The following HHATL variants were observed in gnomAD, a reference collection of about 807,000 sequenced individuals.
HHATL encodes hedgehog acyltransferase like, also known as protein-cysteine N-palmitoyltransferase HHAT-like protein.
HHATL carries 49 observed loss-of-function variants against 59.7 expected under a neutral mutation model. The observed-to-expected ratio is 0.82, with a 90% CI of 0.65 to 1.04. The LOEUF (loss-of-function observed/expected upper bound fraction) is 1.04. Among genes scored for constraint, HHATL ranks in the 50% least tolerant of loss-of-function variants. The pLI is 0.00. For synonymous variants in HHATL, 238 were observed against 257.3 expected (o/e 0.93, Z 0.72); for missense variants, 605 against 650.8 (o/e 0.93, Z 0.77).
At chr3:42,700,006 CTGTG>C (rs761077670) in intron 2 of HHATL, among the ~76,000 whole-genome samples, 181 bp from the exon 3 acceptor site, 1 of 150,084 alleles carries the variant, frequency 6.7e-6, no homozygotes, top group African/African-American at 2.4e-5. Flanking sequence ...GTCCAGGACT[CTGTG>C]TGTGTGTGTG....
chr3:42,699,714 G>C (rs190099318), intron 3 of HHATL, 44 bp downstream of exon 3: 1 of 1,496,082 alleles, frequency 6.7e-7, no homozygotes, highest in East Asian at 2.4e-5. Context: ...AGAGAGCAGA[G>C]AAGGGTTCGG....
intron 9 of HHATL, among the ~76,000 whole-genome samples, chr3:42,696,468 T>A (rs962236810): frequency 6.6e-6 from 1 of 152,158 alleles, no homozygotes; most frequent in African/African-American, 2.4e-5. Context: ...TCCACAGGGA[T>A]GTCTCCTAGA....
chr3:42,697,264 C>T, intron 7 of HHATL, 119 bp from the exon 8 acceptor site: 1 of 1,319,074 alleles, frequency 7.6e-7, no homozygotes, highest in Non-Finnish European at 1.0e-6. Context: ...ACGGAGACCC[C>T]CCCATATTGT....
chr3:42,693,898 GTCC>G, intron 9 of HHATL, 80 bp from the exon 10 acceptor site: 1 of 1,199,868 alleles, frequency 8.3e-7, no homozygotes, highest in Non-Finnish European at 1.2e-6. Context: ...ACAACAGGGC[GTCC>G]TCCTCAACAC....
In HHATL at chr3:42,697,999, G is replaced by T. The variant is rs2125854433; in HGVS notation, c.693+143C>A. 4.5e-6 allele frequency: 4 copies of T among 891,418 alleles called. No individual in the cohort carries two copies. The East Asian group carries it at 1.1e-4, about 23-fold the overall frequency. 55.2% of individuals were successfully genotyped at this position (891,418 alleles called of 1,614,324 possible). ...GTGGCCCCATCCTGGGGTCTGAGGA[G>T]GGAGGGGAGACACGGCTTCATCCTG... On this transcript the variant is annotated intron_variant, in intron 6 of 11. Coordinates refer to ENST00000441594, the MANE Select transcript of HHATL (RefSeq NM_020707.4).
intron 6 of HHATL, 64 bp downstream of exon 6, chr3:42,698,077 TG>T: frequency 6.7e-7 from 1 of 1,496,692 alleles, no homozygotes; most frequent in Admixed American, 1.7e-5. Flanking sequence ...CTATCTGAGA[TG>T]GAAACCCCAA....
rs373523075 is a variant in HHATL at position 42,692,827 on chromosome 3, A to G, written c.1439T>C (p.Val480Ala). 12 of 1,614,056 alleles carry G rather than the reference A, an allele frequency of 7.4e-6. No individual in the cohort carries two copies. Among genetic ancestry groups the G allele is most frequent in the Admixed American group, 1.7e-5 (1 of 60,002 alleles). Residue 480 changes from valine to alanine, a missense_variant, in exon 12 of 12, where the codon GTC (valine) becomes GCC (alanine). Coordinates refer to ENST00000441594, the MANE Select transcript of HHATL (RefSeq NM_020707.4). ...TCGCTCACGCTCCTTTACCAGCTGG[A>G]CGCCACAGTAGGTGACAAACAGGAT... is the stretch of plus-strand genomic sequence containing the variant. The part of the protein sequence containing the change: ...LSILFVTYCG[V>A]QLVKERERTL...
Position 42,692,881 on chromosome 3 carries a change from T to G in HHATL, c.1391-6A>C. On this transcript the variant is annotated splice_region_variant and splice_polypyrimidine_tract_variant and intron_variant, in intron 11 of 11. Coordinates refer to ENST00000441594, the MANE Select transcript of HHATL (RefSeq NM_020707.4). ...CAGCGTGGTCTGGGGGAACCCTGTGTGGGGAGGGAGTCATAGATGCTCAGG... is the reference window on the plus strand; with the variant it reads ...CAGCGTGGTCTGGGGGAACCCTGTGGGGGGAGGGAGTCATAGATGCTCAGG... 6.2e-7 allele frequency: 1 copy of G among 1,613,908 alleles called. No homozygotes were observed. The highest frequency in any genetic ancestry group is 8.5e-7 in the Non-Finnish European group (1 of 1,179,804).
intron 6 of HHATL, 25 bp downstream of exon 6, chr3:42,698,117 A>G (rs780758538): frequency 1.2e-6 from 2 of 1,605,176 alleles, no homozygotes; most frequent in East Asian, 4.5e-5. Flanking sequence ...GCCCTGTTCT[A>G]GAAGCCCACA....
At chr3:42,696,704 C>T in intron 9 of HHATL, 138 bp downstream of exon 9, 1 of 900,188 alleles carries the variant, frequency 1.1e-6, no homozygotes, top group Non-Finnish European at 1.7e-6. Flanking sequence ...ACCCAGACCT[C>T]TGCCAATACC....
chr3:42,693,571 C>A, intron 10 of HHATL, 46 bp downstream of exon 10: 2 of 1,539,348 alleles, frequency 1.3e-6, no homozygotes, highest in Non-Finnish European at 1.8e-6. Flanking sequence ...TGCCCCCCCG[C>A]CCTCTATGAC....
At chr3:42,699,912 G>A (rs1345665323) in intron 2 of HHATL, 87 bp from the exon 3 acceptor site, 3 of 1,090,550 alleles carry the variant, frequency 2.8e-6, no homozygotes, top group Non-Finnish European at 4.0e-6. Context: ...CCACCCTGGG[G>A]AGCGAGGGCA....
At position 42,693,045 on chromosome 3, in the gene HHATL, A is replaced by G. The variant is rs572206736; in HGVS notation, c.1390+32T>C. 30 of 1,612,784 alleles carry G rather than the reference A, an allele frequency of 1.9e-5. No homozygotes were observed. The South Asian group carries it at 2.9e-4, about 15-fold the overall frequency. ...ACGGTCCTTGAGGCTGATGCCTGGCACCTTCTGTATCCCCACACCCCTGTC... is the reference window on the plus strand; with the variant it reads ...ACGGTCCTTGAGGCTGATGCCTGGCGCCTTCTGTATCCCCACACCCCTGTC... On this transcript the variant is annotated intron_variant, in intron 11 of 11. Transcript: ENST00000441594.
intron 5 of HHATL, 77 bp downstream of exon 5, chr3:42,698,631 G>T (rs903692080): frequency 1.5e-5 from 22 of 1,459,220 alleles, no homozygotes. Context: ...GGGGATACTT[G>T]GGGTGCAAGG....
rs1228351934 is a variant in HHATL, at chr3:42,693,083, G to A, written c.1384C>T (p.Leu462Phe). The change falls in exon 11 of 12, where the codon CTC becomes TTC. Residue 462 changes from leucine (L) to phenylalanine (F), a missense_variant. Transcript: ENST00000441594. ...CCACACCCCTGTCCCTCACCTGTGAGTAGCAGGCGCCGGGCAACCAGCTCT... is the reference window on the plus strand; with the variant it reads ...CCACACCCCTGTCCCTCACCTGTGAATAGCAGGCGCCGGGCAACCAGCTCT... The part of the protein sequence containing the change: ...FTELVARRLL[L>F]TGFPQTTLSI... 6.2e-7 allele frequency: 1 copy of A among 1,614,048 alleles called. No homozygotes were observed. Among genetic ancestry groups the A allele is most frequent in the African/African-American group, 1.3e-5 (1 of 74,936 alleles).
Position 42,698,771 on chromosome 3 carries a change from G to C in HHATL, c.420C>G (p.Leu140=). 1 of 1,610,958 alleles carries C rather than the reference G, an allele frequency of 6.2e-7. No homozygotes were observed. The highest frequency in any genetic ancestry group is 8.5e-7 in the Non-Finnish European group (1 of 1,178,946). The part of the protein sequence containing the change: ...YVASLLGQPW[L]CLGLGLASLA... ...GGCTGGCCAAGCCAAGGCCAAGACA[G>C]AGCCAGGGCTGGCCCAAAAGCGAGG... The change falls in exon 5 of 12, where the codon CTC becomes CTG. Residue 140 remains leucine, a synonymous_variant. Transcript: ENST00000441594.
intron 9 of HHATL, among the ~76,000 whole-genome samples, chr3:42,694,964 G>A (rs558790094): frequency 2.5e-4 from 38 of 152,292 alleles, no homozygotes; most frequent in African/African-American, 7.5e-4. Context: ...AGCTCCATGA[G>A]TTCAGGGTCT....
intron 2 of HHATL, among the ~76,000 whole-genome samples, chr3:42,700,286 GTA>G (rs1466435950): frequency 1.4e-5 from 2 of 147,696 alleles, no homozygotes; most frequent in Admixed American, 6.8e-5. Flanking sequence ...CTCTGTGTGT[GTA>G]TGTGTGTGTG....
rs938006248 is a variant in HHATL at position 42,693,677 on chromosome 3, G to A, written c.1188C>T (p.Gly396=). 6.2e-7 allele frequency: 1 copy of A among 1,614,142 alleles called. No individual in the cohort carries two copies. The highest frequency in any genetic ancestry group is 8.5e-7 in the Non-Finnish European group (1 of 1,180,018). The stretch of plus-strand genomic sequence containing the variant: ...TTTGCATCCAGAGCTCAAAGTTGAG[G>A]CCAAAGCAGTTAAGGAATGACCACA... The part of the protein sequence containing the change: ...VYLWSFLNCF[G]LNFELWMQKL... Residue 396 remains glycine (G), a synonymous_variant, in exon 10 of 12, where the codon GGC becomes GGT. Coordinates refer to ENST00000441594, the MANE Select transcript of HHATL (RefSeq NM_020707.4).
Sources: allele counts gnomAD v4.1 joint callset (sites outside exome capture counted in the v4.1 genomes callset), GRCh38; gene constraint gnomAD v4.1.1; transcripts MANE v1.5; gene names NCBI Gene and HGNC (gene_info 2026-07-23, HGNC 2026-07-21).